Variants in TG observed in about 807,000 individuals in gnomAD.
TG encodes the protein thyroid hormones.
TG carries 270 observed loss-of-function variants against 324.7 expected under a neutral mutation model. That is an observed-to-expected ratio of 0.83 (90% CI 0.75 to 0.92). TG has a LOEUF of 0.92. Ranked by LOEUF, TG falls within the 40% of genes least tolerant of loss-of-function variation. TG has a pLI of 0.00. For synonymous variants in TG, 1,401 were observed against 1,327.0 expected, an observed-to-expected ratio of 1.06 and a Z score of -1.21; for missense variants, 3,591 against 3,456.4, an observed-to-expected ratio of 1.04 and a Z score of -0.98.
chr8:133,108,208 G>A (rs1474789837), intron 43 of TG, among the ~76,000 whole-genome samples: 1 of 151,418 alleles, frequency 6.6e-6, no homozygotes, highest in African/African-American at 2.4e-5. Flanking sequence ...GGATGGTCTC[G>A]ATCTCCTGAC....
chr8:133,052,285 CAAGT>C (rs1250489632), intron 41 of TG, among the ~76,000 whole-genome samples: 1 of 152,192 alleles, frequency 6.6e-6, no homozygotes, highest in Non-Finnish European at 1.5e-5. Flanking sequence ...AAATTAGAAA[CAAGT>C]AATCACGGTG....
intron 45 of TG, among the ~76,000 whole-genome samples, chr8:133,129,093 C>G (rs887065996): frequency 1.3e-5 from 2 of 152,214 alleles, no homozygotes; most frequent in Non-Finnish European, 2.9e-5. Flanking sequence ...ACTTGGTCCT[C>G]GACTCCCAGA....
intron 41 of TG, among the ~76,000 whole-genome samples, chr8:133,081,247 A>T (rs2131531624): frequency 6.6e-6 from 1 of 152,394 alleles, no homozygotes; most frequent in Middle Eastern, 3.4e-3. Flanking sequence ...ATGACCATGG[A>T]GCCTAGCACA....
At chr8:133,132,261 T>C (rs529524548) in intron 46 of TG, among the ~76,000 whole-genome samples, 5 of 152,320 alleles carry the variant, frequency 3.3e-5, no homozygotes, top group African/African-American at 1.2e-4. Flanking sequence ...CATTGTAGGA[T>C]GTTTAACAGC....
intron 3 of TG, 149 bp from the exon 4 acceptor site, chr8:132,871,199 T>A (rs1319630663): frequency 3.8e-6 from 3 of 787,368 alleles, no homozygotes; most frequent in Non-Finnish European, 6.5e-6. Context: ...AGGCCTGTTC[T>A]GTGGCTGCCA....
intron 41 of TG, chr8:133,060,409 A>T: frequency 6.7e-7 from 1 of 1,503,488 alleles, no homozygotes; most frequent in South Asian, 1.3e-5. Flanking sequence ...GAAAAACCAC[A>T]GAGAGGGAAG....
chr8:132,976,169 G>A (rs6993411), intron 34 of TG, among the ~76,000 whole-genome samples: 32,739 of 152,062 alleles, frequency 0.22, 3,821 homozygotes, highest in Middle Eastern at 0.32. Context: ...GTCTTAGTCC[G>A]TTTTGTGCTG....
At position 133,110,878 on chromosome 8, in the gene TG, C is replaced by T. The variant is rs946533987; in HGVS notation, c.7573-2544C>T. Among the ~76,000 whole-genome samples, 3 of 152,138 alleles carry T rather than the reference C, an allele frequency of 2.0e-5. No individual in the cohort carries two copies. In the South Asian group the frequency reaches 6.2e-4, roughly 32 times the overall value. The stretch of plus-strand genomic sequence containing the variant: ...ACTTCCTAGCTCTTCTTAGCCCGCA[C>T]CCACGAACAACCAGCCACGACTAGG... On this transcript the variant is annotated intron_variant, in intron 43 of 47. Transcript: ENST00000220616.
At chr8:133,036,513 CA>C (rs976918599) in intron 41 of TG, among the ~76,000 whole-genome samples, 3 of 152,140 alleles carry the variant, frequency 2.0e-5, no homozygotes, top group African/African-American at 7.2e-5. Flanking sequence ...CCCTTAGGCC[CA>C]TCTTCAAGTT....
At chr8:132,904,699 A>G (rs1425449530) in intron 16 of TG, among the ~76,000 whole-genome samples, 1 of 152,188 alleles carries the variant, frequency 6.6e-6, no homozygotes, top group Non-Finnish European at 1.5e-5. Flanking sequence ...TTTCTAGCCG[A>G]ATCAGATCAC....
chr8:132,959,117 T>C (rs1043635088), intron 27 of TG, among the ~76,000 whole-genome samples: 1 of 152,212 alleles, frequency 6.6e-6, no homozygotes, highest in Non-Finnish European at 1.5e-5. Context: ...ATTTCAGAAG[T>C]AAAATCAAAT....
chr8:132,994,852 G>A (rs2130790629), intron 35 of TG: 1 of 1,265,318 alleles, frequency 7.9e-7, no homozygotes, highest in Non-Finnish European at 1.0e-6. Flanking sequence ...ATGATGGAAA[G>A]CATTGGTTAT....
intron 22 of TG, 54 bp from the exon 23 acceptor site, chr8:132,929,022 G>C: frequency 7.0e-7 from 1 of 1,438,460 alleles, no homozygotes; most frequent in Non-Finnish European, 9.8e-7. Flanking sequence ...TGGCTTCTCT[G>C]CAGATGCCCT....
chr8:132,917,309 G>A (rs903403626), intron 20 of TG, among the ~76,000 whole-genome samples: 1 of 151,982 alleles, frequency 6.6e-6, no homozygotes, highest in African/African-American at 2.4e-5. Context: ...AGGAAATGCT[G>A]GCAGAAGTCT....
intron 43 of TG, among the ~76,000 whole-genome samples, chr8:133,108,213 C>G (rs1849985954): frequency 6.6e-6 from 1 of 151,806 alleles, no homozygotes; most frequent in Non-Finnish European, 1.5e-5. Context: ...GTCTCGATCT[C>G]CTGACCTTGT....
intron 26 of TG, among the ~76,000 whole-genome samples, chr8:132,942,822 C>A (rs1824647389): frequency 6.6e-6 from 1 of 152,100 alleles, no homozygotes; most frequent in Non-Finnish European, 1.5e-5. Flanking sequence ...AGAAGAGGAA[C>A]TTGGGCCAGG....
chr8:133,068,871 C>A (rs2741206), intron 41 of TG, among the ~76,000 whole-genome samples: 37,732 of 152,280 alleles, frequency 0.25, 5,566 homozygotes, highest in East Asian at 0.55. Context: ...ACCCAGTCAG[C>A]CTGTGGCTCT....
At chr8:132,893,993 T>C in intron 11 of TG, 64 bp downstream of exon 11, 1 of 1,612,812 alleles carries the variant, frequency 6.2e-7, no homozygotes, top group East Asian at 2.2e-5. Flanking sequence ...CTTAAATTCG[T>C]CTCTCCTCAG....
At chr8:133,028,488 G>A (rs1028491668) in intron 40 of TG, among the ~76,000 whole-genome samples, 2 of 152,204 alleles carry the variant, frequency 1.3e-5, no homozygotes, top group African/African-American at 4.8e-5. Flanking sequence ...AAGAGCATCA[G>A]CAACATAATG....
Sources: gnomAD v4.1 joint callset for allele counts (sites outside exome capture counted in the v4.1 genomes callset) on GRCh38, gnomAD v4.1.1 for gene constraint, MANE v1.5 for transcripts, NCBI Gene and HGNC (gene_info 2026-07-23, HGNC 2026-07-21) for gene names.